MAST2: variants seen among roughly 807,000 people sequenced by gnomAD.
MAST2 encodes the protein microtubule associated serine/threonine kinase 2, also known as microtubule-associated serine/threonine-protein kinase 2.
MAST2 carries 70 observed loss-of-function variants against 147.4 expected under a neutral mutation model. The ratio of observed to expected loss-of-function variants is 0.47; its 90% confidence interval spans 0.39 to 0.58. The LOEUF (loss-of-function observed/expected upper bound fraction) is 0.58, where lower values mean the gene tolerates loss of function less well. Among genes scored for constraint, MAST2 ranks in the 20% least tolerant of loss-of-function variants. The probability of loss-of-function intolerance (pLI) is 0.00; values close to 1 mark genes in which losing one functional copy is unlikely to be tolerated. For synonymous variants in MAST2, 869 were observed against 896.8 expected, an observed-to-expected ratio of 0.97 and a Z score of 0.55; for missense variants, 2,080 against 2,302.3, an observed-to-expected ratio of 0.90 and a Z score of 1.98.
At chr1:45,864,966 A>T (rs1482426840) in intron 3 of MAST2, 2 of 371,686 alleles carry the variant, frequency 5.4e-6, no homozygotes, top group Non-Finnish European at 1.1e-5. Context: ...CTTACGCTGG[A>T]CAGAGGGATA....
At chr1:45,826,754 A>G (rs1644805201) in intron 2 of MAST2, among the ~76,000 whole-genome samples, 1 of 151,848 alleles carries the variant, frequency 6.6e-6, no homozygotes, top group African/African-American at 2.4e-5. Flanking sequence ...AGATTTCCCC[A>G]CAGTTTTTTC....
At chr1:45,937,832 A>C (rs1428439137) in intron 4 of MAST2, among the ~76,000 whole-genome samples, 1 of 151,690 alleles carries the variant, frequency 6.6e-6, no homozygotes, top group East Asian at 1.9e-4. Context: ...TTTTTTACTA[A>C]ATTTAATTGC....
At chr1:46,029,678 GAA>G in intron 19 of MAST2, 111 bp downstream of exon 19, 5 of 1,368,056 alleles carry the variant, frequency 3.7e-6, no homozygotes, top group Non-Finnish European at 5.1e-6. Context: ...TCTGGATCCT[GAA>G]ACTCTGCCCT....
intron 5 of MAST2, among the ~76,000 whole-genome samples, chr1:45,981,476 A>C (rs1644405058): frequency 6.6e-6 from 1 of 152,076 alleles, no homozygotes; most frequent in East Asian, 1.9e-4. Context: ...AGAATCTGTG[A>C]GGTTAGGAAT....
At position 46,030,647 on chromosome 1, in the gene MAST2, G is replaced by A. The variant is rs376686790; in HGVS notation, c.2594G>A (p.Arg865His). 111 of 1,611,450 alleles carry A rather than the reference G, an allele frequency of 6.9e-5. No homozygotes were observed. The highest frequency in any genetic ancestry group is 5.5e-4 in the Admixed American group (33 of 59,572). ...GAGCGGCTCTCACTGCTCGAGGAGC[G>A]CCGGACACCACCCCCGACCAAGCGC... ...SMERLSLLEE[R>H]RTPPPTKRSL... Residue 865 changes from arginine to histidine, a missense_variant, in exon 22 of 29, where the codon CGC (arginine) becomes CAC (histidine). Physicochemically the swap from Arg to His is conservative, Grantham distance 29. Coordinates refer to ENST00000361297, the MANE Select transcript of MAST2 (RefSeq NM_015112.3).
intron 4 of MAST2, among the ~76,000 whole-genome samples, chr1:45,957,991 T>C (rs1432932322): frequency 6.6e-6 from 1 of 152,010 alleles, no homozygotes; most frequent in African/African-American, 2.4e-5. Context: ...GAAGAGAAAT[T>C]GGGGATATAG....
At chr1:45,848,330 T>G (rs754655276) in intron 3 of MAST2, among the ~76,000 whole-genome samples, 3 of 152,204 alleles carry the variant, frequency 2.0e-5, no homozygotes, top group Non-Finnish European at 2.9e-5. Flanking sequence ...AGTGACTTAC[T>G]GTGCAAACAA....
At chr1:45,966,861 C>CTTTTTT (rs58072402) in intron 5 of MAST2, among the ~76,000 whole-genome samples, 1 of 111,090 alleles carries the variant, frequency 9.0e-6, no homozygotes, top group Non-Finnish European at 1.8e-5. Context: ...GGATCTGGGT[C>CTTTTTT]TTTTTTTTTT....
chr1:45,810,324 C>T (rs1225878783), intron 1 of MAST2, among the ~76,000 whole-genome samples: 1 of 152,148 alleles, frequency 6.6e-6, no homozygotes, highest in Non-Finnish European at 1.5e-5. Context: ...ATCAGAACCT[C>T]TTTCCTCTGC....
intron 3 of MAST2, among the ~76,000 whole-genome samples, chr1:45,856,472 A>G (rs1402037677): frequency 6.6e-6 from 1 of 152,216 alleles, no homozygotes; most frequent in African/African-American, 2.4e-5. Context: ...GCAGTTGCAC[A>G]TGTGATTTTG....
chr1:45,860,704 T>C (rs1236352732), intron 3 of MAST2, among the ~76,000 whole-genome samples: 1 of 146,990 alleles, frequency 6.8e-6, no homozygotes, highest in African/African-American at 2.5e-5. Context: ...TAGTGGCGGG[T>C]GCCTGTAATC....
chr1:45,891,677 C>T (rs1027657914), intron 4 of MAST2, among the ~76,000 whole-genome samples: 1 of 151,152 alleles, frequency 6.6e-6, no homozygotes, highest in Non-Finnish European at 1.5e-5. Flanking sequence ...TTATAATCTC[C>T]TACCTTTTCA....
chr1:45,913,415 A>G (rs559250139), intron 4 of MAST2, among the ~76,000 whole-genome samples: 2 of 152,314 alleles, frequency 1.3e-5, no homozygotes, highest in Admixed American at 6.5e-5. Context: ...GTTGCTATGT[A>G]TAATTTCTGC....
At chr1:45,913,797 C>T (rs1162027601) in intron 4 of MAST2, 1 of 1,155,070 alleles carries the variant, frequency 8.7e-7, no homozygotes, top group South Asian at 1.8e-5. Context: ...ACCAAGACTC[C>T]AGTGTGAGGG....
intron 5 of MAST2, among the ~76,000 whole-genome samples, chr1:45,989,286 T>TA (rs1199465398): frequency 2.0e-5 from 3 of 152,122 alleles, no homozygotes; most frequent in Non-Finnish European, 4.4e-5. Flanking sequence ...TCCATACACA[T>TA]AAACTACTCA....
intron 5 of MAST2, among the ~76,000 whole-genome samples, chr1:45,995,705 C>T (rs776548139): frequency 6.6e-6 from 1 of 152,228 alleles, no homozygotes; most frequent in African/African-American, 2.4e-5. Context: ...GCGTGAGCCA[C>T]TGTACCCGGC....
chr1:46,029,111 C>G (rs1373659523), intron 18 of MAST2, 178 bp downstream of exon 18: 3 of 671,954 alleles, frequency 4.5e-6, no homozygotes, highest in East Asian at 2.8e-5. Context: ...CATGTGCACA[C>G]TGTGTCCCTT....
At chr1:46,004,290 G>T (rs1645394220) in intron 7 of MAST2, among the ~76,000 whole-genome samples, 1 of 147,796 alleles carries the variant, frequency 6.8e-6, no homozygotes, top group Admixed American at 6.8e-5. Context: ...CTTGAACCCA[G>T]GAGGCGGAGA....
At chr1:45,855,642 A>G (rs965024335) in intron 3 of MAST2, among the ~76,000 whole-genome samples, 2 of 151,922 alleles carry the variant, frequency 1.3e-5, no homozygotes. Context: ...TTTAAATTTT[A>G]GTTTTTACAT....
Sources: allele counts gnomAD v4.1 joint callset (sites outside exome capture counted in the v4.1 genomes callset), GRCh38; gene constraint gnomAD v4.1.1; transcripts MANE v1.5; gene names NCBI Gene and HGNC (gene_info 2026-07-23, HGNC 2026-07-21).